Variants in CROCC observed in about 807,000 individuals in gnomAD.
CROCC encodes the protein ciliary rootlet coiled-coil, rootletin.
Under a neutral mutation model 245.2 loss-of-function variants are expected in CROCC, and 180 were observed. The observed-to-expected ratio is 0.73, with a 90% CI of 0.65 to 0.83. The LOEUF (loss-of-function observed/expected upper bound fraction) is 0.83. Ranked by LOEUF, CROCC falls within the 40% of genes least tolerant of loss-of-function variation. The pLI is 0.00. For missense variants in CROCC, 2,688 were observed against 2,779.4 expected, an observed-to-expected ratio of 0.97 and a Z score of 0.74; for synonymous variants, 1,205 against 1,241.6, an observed-to-expected ratio of 0.97 and a Z score of 0.62.
intron 8 of CROCC, among the ~76,000 whole-genome samples, chr1:16,935,414 T>TTTTTG (rs1049790082): frequency 5.9e-3 from 892 of 152,052 alleles, no homozygotes; most frequent in Admixed American, 9.6e-3. Flanking sequence ...TCCACTGGTT[T>TTTTTG]TTTTGTTTTG....
intron 36 of CROCC, 90 bp from the exon 37 acceptor site, chr1:16,972,270 G>A (rs2076534325): frequency 1.0e-6 from 1 of 977,898 alleles, no homozygotes; most frequent in Admixed American, 1.7e-5. Flanking sequence ...TGAAACTGTG[G>A]CACTGTGTCC....
Position 16,939,117 on chromosome 1 carries a change from T to C in CROCC, c.1583T>C (p.Leu528Pro). Residue 528 changes from leucine (L) to proline (P), a missense_variant, in exon 12 of 37, where the codon CTG becomes CCG. Leu to Pro is a moderately conservative substitution (Grantham distance 98, BLOSUM62 -3). Coordinates refer to ENST00000375541, the MANE Select transcript of CROCC (RefSeq NM_014675.5). ...ACGCTCGCCCTGATCCACTCCGCCCTGCACAAGCGCCAGCTGCAGGTCCAG... is the reference window on the plus strand; with the variant it reads ...ACGCTCGCCCTGATCCACTCCGCCCCGCACAAGCGCCAGCTGCAGGTCCAG... ...SSTLALIHSALHKRQLQVQDM... is the reference protein window; with the variant it reads ...SSTLALIHSAPHKRQLQVQDM... 6.5e-7 allele frequency: 1 copy of C among 1,538,060 alleles called. No individual in the cohort carries two copies. Among genetic ancestry groups the C allele is most frequent in the South Asian group, 1.2e-5 (1 of 80,314 alleles).
Position 16,931,374 on chromosome 1 carries a change from C to T in CROCC, c.933C>T (p.Ser311=), listed in dbSNP as rs375343259. Residue 311 remains serine (S), a synonymous_variant, in exon 8 of 37, where the codon AGC becomes AGT. Coordinates refer to ENST00000375541, the MANE Select transcript of CROCC (RefSeq NM_014675.5). ...RQVVGFRRLV[S]EVKMFTERDL... ...TGGTGGGGTTCCGGCGGCTGGTCAG[C>T]GAGGTGAAGATGTTCACTGAGAGGT... 1.9e-5 allele frequency: 30 copies of T among 1,611,666 alleles called. No homozygotes were observed. The South Asian group carries it at 2.0e-4, about 11-fold the overall frequency.
chr1:16,948,242 G>A, intron 17 of CROCC, 89 bp from the exon 18 acceptor site: 1 of 1,447,084 alleles, frequency 6.9e-7, no homozygotes, highest in Non-Finnish European at 9.1e-7. Context: ...CCTTCTGCCA[G>A]GACTGGGTTA....
At chr1:16,940,119 G>T (rs746422058) in intron 13 of CROCC, 26 bp downstream of exon 13, 2 of 1,574,896 alleles carry the variant, frequency 1.3e-6, no homozygotes, top group South Asian at 2.3e-5. Flanking sequence ...GAGCTGGGGG[G>T]TACTGAAGAA....
intron 36 of CROCC, 97 bp downstream of exon 36, chr1:16,971,744 A>G (rs1178144566): frequency 1.6e-6 from 2 of 1,232,332 alleles, no homozygotes; most frequent in African/African-American, 3.1e-5. Context: ...TAGGCAGTCG[A>G]TGGCTCCCGT....
At position 16,958,815 on chromosome 1, in the gene CROCC, C is replaced by G. The variant is rs1024738959; in HGVS notation, c.4032+65C>G. The G allele has an allele frequency of 5.0e-5, 76 of 1,510,158 alleles. 2 individuals carry two copies. The South Asian group carries it at 9.0e-4, about 18-fold the overall frequency. 93.5% of individuals were successfully genotyped at this position (1,510,158 alleles called of 1,614,324 possible). A position where few individuals can be genotyped will look rare whatever the true frequency, so the allele number is the denominator to read the frequency against. ...CCCCAGCAGGAAGCAGGTGGGCACC[C>G]CAATGCTGGGGCCATTCTGAAAGGC... On this transcript the variant is annotated intron_variant, in intron 26 of 36. Transcript: ENST00000375541.
rs2076450101 is a variant in CROCC at position 16,968,186 on chromosome 1, C to T, written c.4861-17C>T. 3 of 1,552,322 alleles carry T rather than the reference C, an allele frequency of 1.9e-6. No individual in the cohort carries two copies. Among genetic ancestry groups the T allele is most frequent in the African/African-American group, 1.4e-5 (1 of 73,226 alleles). On this transcript the variant is annotated splice_polypyrimidine_tract_variant and intron_variant, in intron 30 of 36. Transcript: ENST00000375541. ...GGTGCACTGGACGTCTGGGCCTGAG[C>T]CCCATGCCACCTGCAGGAGAAGATC...
chr1:16,959,113 C>T (rs970720483), intron 26 of CROCC, among the ~76,000 whole-genome samples: 1 of 152,232 alleles, frequency 6.6e-6, no homozygotes, highest in Non-Finnish European at 1.5e-5. Flanking sequence ...ACCTCCGCCT[C>T]CTGGGTTCAA....
At chr1:16,968,501 A>C in intron 31 of CROCC, 83 bp downstream of exon 31, 2 of 1,317,444 alleles carry the variant, frequency 1.5e-6, no homozygotes, top group East Asian at 2.6e-5. Flanking sequence ...TCCCCCAACA[A>C]CCCTGTGAGG....
chr1:16,956,255 C>T, intron 25 of CROCC, 99 bp downstream of exon 25: 1 of 1,290,570 alleles, frequency 7.7e-7, no homozygotes, highest in South Asian at 1.6e-5. Context: ...TATGTAAAAC[C>T]AGGGGCTTGA....
chr1:16,929,284 A>G (rs1423098190), intron 3 of CROCC, among the ~76,000 whole-genome samples: 1 of 152,278 alleles, frequency 6.6e-6, no homozygotes, highest in Non-Finnish European at 1.5e-5. Flanking sequence ...TTAAGGTCAG[A>G]TATGCATAGA....
chr1:16,944,313 C>T (rs1165203864), intron 14 of CROCC, 31 bp downstream of exon 14: 100 of 1,496,036 alleles, frequency 6.7e-5, no homozygotes, highest in Non-Finnish European at 8.4e-5. Flanking sequence ...CTGCCAGGAC[C>T]CTTCAGATGT....
At chr1:16,968,874 G>A (rs1013433507) in intron 31 of CROCC, among the ~76,000 whole-genome samples, 1 of 152,222 alleles carries the variant, frequency 6.6e-6, no homozygotes, top group Non-Finnish European at 1.5e-5. Flanking sequence ...AGACCAGGGA[G>A]TCTGAGACAA....
intron 1 of CROCC, among the ~76,000 whole-genome samples, chr1:16,914,630 C>G (rs756590249): frequency 9.8e-5 from 15 of 152,300 alleles, no homozygotes; most frequent in Non-Finnish European, 1.8e-4. Context: ...GTTGGGCTGG[C>G]CACGGAGGCA....
At chr1:16,952,447 T>G (rs1341258339) in intron 20 of CROCC, among the ~76,000 whole-genome samples, 2 of 151,264 alleles carry the variant, frequency 1.3e-5, no homozygotes, top group East Asian at 3.9e-4. Context: ...ATCTCGCCAC[T>G]GCACTCCAGC....
chr1:16,971,413 C>A, intron 35 of CROCC, 52 bp from the exon 36 acceptor site: 1 of 1,479,080 alleles, frequency 6.8e-7, no homozygotes, highest in South Asian at 1.3e-5. Flanking sequence ...GTCACACATG[C>A]ACACACACAC....
chr1:16,969,413 G>C, intron 32 of CROCC, 73 bp downstream of exon 32: 3 of 1,449,306 alleles, frequency 2.1e-6, no homozygotes, highest in Admixed American at 4.2e-5. Flanking sequence ...TTGGAGGGGG[G>C]CCCTGGTAGA....
upstream of CROCC, among the ~76,000 whole-genome samples, chr1:16,918,644 A>G (rs181460864): frequency 5.9e-3 from 902 of 151,970 alleles, no homozygotes; most frequent in Admixed American, 0.01. Context: ...TGCAGCCTGT[A>G]GAGGGGATTT....
Sources: allele counts gnomAD v4.1 joint callset (sites outside exome capture counted in the v4.1 genomes callset), GRCh38; gene constraint gnomAD v4.1.1; transcripts MANE v1.5; gene names NCBI Gene and HGNC (gene_info 2026-07-23, HGNC 2026-07-21).